The following KCNQ1OT1 variants were observed in gnomAD, a reference collection of about 807,000 sequenced individuals.
The protein encoded by KCNQ1OT1 is KCNQ1 antisense RNA 2 (non-protein coding).
exon 1 of KCNQ1OT1, chr11:2,649,373 A>G: frequency 2.5e-6 from 1 of 398,128 alleles, no homozygotes; most frequent in Non-Finnish European, 4.4e-6. Flanking sequence ...TATCTGCTCT[A>G]CTAGTGTTTT....
At chr11:2,689,200 C>G in exon 1 of KCNQ1OT1, 1 of 398,826 alleles carries the variant, frequency 2.5e-6, no homozygotes, top group Non-Finnish European at 4.4e-6. Flanking sequence ...AACAGCTCAG[C>G]TTGCTGACTT....
At chr11:2,628,176 A>T in exon 1 of KCNQ1OT1, 1 of 398,656 alleles carries the variant, frequency 2.5e-6, no homozygotes, top group Non-Finnish European at 4.4e-6. Context: ...TGGATCATAT[A>T]GCAGTTCCAA....
rs907106684 is a variant in KCNQ1OT1 at position 2,651,263 on chromosome 11, G to C, written n.48732C>G. On this transcript the variant is annotated non_coding_transcript_exon_variant, in exon 1 of 1. Transcript: ENST00000597346. The surrounding 1 kb of genome is among the most constrained non-coding windows in gnomAD (Gnocchi z 6.1). ...TTAATTCAGGAATTAAGCTGTGCTG[G>C]TCACTTATTGAGAAAGAGCTTCATG... 2.5e-6 allele frequency: 1 copy of C among 398,522 alleles called. No homozygotes were observed. The highest frequency in any genetic ancestry group is 2.1e-5 in the African/African-American group (1 of 48,642). 24.7% of individuals were successfully genotyped at this position (398,522 alleles called of 1,614,324 possible). A position where few individuals can be genotyped will look rare whatever the true frequency, so the allele number is the denominator to read the frequency against.
chr11:2,609,384 T>C (rs1048669351), exon 1 of KCNQ1OT1: 11 of 398,362 alleles, frequency 2.8e-5, no homozygotes, highest in Non-Finnish European at 3.5e-5. Context: ...CAGAAAAAGA[T>C]ACCTTGTATT....
At position 2,690,997 on chromosome 11, in the gene KCNQ1OT1, GT is replaced by G. The variant is rs1430271350; in HGVS notation, n.8997del. The G allele has an allele frequency of 7.5e-6, 3 of 398,560 alleles. No homozygotes were observed. The highest frequency in any genetic ancestry group is 6.2e-4 in the Middle Eastern group (1 of 1,612). 24.7% of individuals were successfully genotyped at this position (398,560 alleles called of 1,614,324 possible). On this transcript the variant is annotated non_coding_transcript_exon_variant, in exon 1 of 1. Coordinates refer to ENST00000597346, the Ensembl canonical transcript of KCNQ1OT1. This position sits in a 1 kb window ranked among gnomAD's most constrained non-coding sequence, Gnocchi z 5.1. ...AAAAGCCCACCAGACCATCAATGAA[GT>G]GGGCAAAAGCTCTGGGTGAACTCTT...
Position 2,671,583 on chromosome 11 carries a change from C to A in KCNQ1OT1, n.28412G>T. 1 of 398,624 alleles carries A rather than the reference C, an allele frequency of 2.5e-6. No individual in the cohort carries two copies. Among genetic ancestry groups the A allele is most frequent in the Non-Finnish European group, 4.4e-6 (1 of 226,060 alleles). The allele number at this position is 398,624 out of a possible 1,614,324, so 24.7% of individuals were successfully genotyped here. A position where few individuals can be genotyped will look rare whatever the true frequency, so the allele number is the denominator to read the frequency against. On this transcript the variant is annotated non_coding_transcript_exon_variant, in exon 1 of 1. Transcript: ENST00000597346. The surrounding 1 kb of genome is among the most constrained non-coding windows in gnomAD (Gnocchi z 4.7). ...AAGTCTTTGGCACTGAGCATTTATACAAGATCAGACTGCACTGCACCCTAA... is the reference window on the plus strand; with the variant it reads ...AAGTCTTTGGCACTGAGCATTTATAAAAGATCAGACTGCACTGCACCCTAA...
In KCNQ1OT1 at chr11:2,659,466, C is replaced by G. The variant is rs1443857261; in HGVS notation, n.40529G>C. The stretch of plus-strand genomic sequence containing the variant: ...TTTCTTTTTATTGCTGGGTGGTATT[C>G]CATTGCATGAATATATACATTTTGT... On this transcript the variant is annotated non_coding_transcript_exon_variant, in exon 1 of 1. Transcript: ENST00000597346. The surrounding 1 kb of genome is among the most constrained non-coding windows in gnomAD (Gnocchi z 4.3). 8 of 398,394 alleles carry G rather than the reference C, an allele frequency of 2.0e-5. No homozygotes were observed. The highest frequency in any genetic ancestry group is 3.5e-5 in the Non-Finnish European group (8 of 226,030). 24.7% of individuals were successfully genotyped at this position (398,394 alleles called of 1,614,324 possible).
At position 2,623,501 on chromosome 11, in the gene KCNQ1OT1, A is replaced by G; in HGVS notation, n.76494T>C. The stretch of plus-strand genomic sequence containing the variant: ...ATAGCATTGCCTTTTCTAAAATGCA[A>G]TATGATTGGAATCATACAGTATGTA... On this transcript the variant is annotated non_coding_transcript_exon_variant, in exon 1 of 1. Transcript: ENST00000597346. This position sits in a 1 kb window ranked among gnomAD's most constrained non-coding sequence, Gnocchi z 5.2. 1 of 398,624 alleles carries G rather than the reference A, an allele frequency of 2.5e-6. No homozygotes were observed. Among genetic ancestry groups the G allele is most frequent in the Admixed American group, 4.4e-5 (1 of 22,736 alleles). The allele number at this position is 398,624 out of a possible 1,614,324, so 24.7% of individuals were successfully genotyped here.
exon 1 of KCNQ1OT1, chr11:2,632,261 T>G (rs1849371209): frequency 2.5e-6 from 1 of 398,478 alleles, no homozygotes; most frequent in East Asian, 3.6e-5. Flanking sequence ...CTGAATTAAT[T>G]TATTCAGTTT....
At chr11:2,641,698 A>C in exon 1 of KCNQ1OT1, 1 of 398,378 alleles carries the variant, frequency 2.5e-6, no homozygotes, top group Admixed American at 4.4e-5. Flanking sequence ...TTATCCATAA[A>C]ATCTTTCCCT....
chr11:2,676,361 C>T lies in KCNQ1OT1; in HGVS notation n.23634G>A, dbSNP rs1360489988. On this transcript the variant is annotated non_coding_transcript_exon_variant, in exon 1 of 1. Coordinates refer to ENST00000597346, the Ensembl canonical transcript of KCNQ1OT1. The surrounding 1 kb of genome is among the most constrained non-coding windows in gnomAD (Gnocchi z 4.2). ...TGCTGTTTTCTCATGGTTGGGCTTC[C>T]AGTATAATTGGAAGGAGCATAGTCT... 5.0e-6 allele frequency: 2 copies of T among 398,484 alleles called. No individual in the cohort carries two copies. The highest frequency in any genetic ancestry group is 8.8e-6 in the Non-Finnish European group (2 of 226,092). 24.7% of individuals were successfully genotyped at this position (398,484 alleles called of 1,614,324 possible).
exon 1 of KCNQ1OT1, chr11:2,684,857 GA>G (rs1178296018): frequency 2.5e-6 from 1 of 398,570 alleles, no homozygotes; most frequent in Non-Finnish European, 4.4e-6. Flanking sequence ...TTCCTCCAGG[GA>G]GTCTGCTGAG....
At chr11:2,697,821 A>G (rs972151836) in exon 1 of KCNQ1OT1, 1 of 398,498 alleles carries the variant, frequency 2.5e-6, no homozygotes, top group South Asian at 1.3e-4. Flanking sequence ...AATTCTTTAT[A>G]GTTTTCTTGT....
rs1849952301 is a variant in KCNQ1OT1, at chr11:2,661,322, G to C, written n.38673C>G. 5.0e-6 allele frequency: 2 copies of C among 402,268 alleles called. No individual in the cohort carries two copies. The highest frequency in any genetic ancestry group is 4.2e-5 in the Admixed American group (1 of 23,720). The allele number at this position is 402,268 out of a possible 1,614,324, so 24.9% of individuals were successfully genotyped here. A position where few individuals can be genotyped will look rare whatever the true frequency, so the allele number is the denominator to read the frequency against. On this transcript the variant is annotated non_coding_transcript_exon_variant, in exon 1 of 1. Transcript: ENST00000597346. This position sits in a 1 kb window ranked among gnomAD's most constrained non-coding sequence, Gnocchi z 5.9. ...GTCAACAGAGAGTGGGGAGTGATAA[G>C]GATCAGTATCCTGAGCTCCTGTGTC...
exon 1 of KCNQ1OT1, chr11:2,625,007 G>A (rs1291180230): frequency 1.0e-5 from 4 of 398,370 alleles, no homozygotes; most frequent in Non-Finnish European, 1.8e-5. Context: ...GGGTTGCATT[G>A]ATGTTTTAAC....
rs1849919910 is a variant in KCNQ1OT1, at chr11:2,659,877, T to C, written n.40118A>G. The stretch of plus-strand genomic sequence containing the variant: ...TCATGTGCTTATTTATAATCCATTT[T>C]TAAAATTGGATTGTTCACTTTATTG... On this transcript the variant is annotated non_coding_transcript_exon_variant, in exon 1 of 1. Transcript: ENST00000597346. This position sits in a 1 kb window ranked among gnomAD's most constrained non-coding sequence, Gnocchi z 4.3. 1 of 398,362 alleles carries C rather than the reference T, an allele frequency of 2.5e-6. No individual in the cohort carries two copies. Among genetic ancestry groups the C allele is most frequent in the African/African-American group, 2.1e-5 (1 of 48,640 alleles). The allele number at this position is 398,362 out of a possible 1,614,324, so 24.7% of individuals were successfully genotyped here.
exon 1 of KCNQ1OT1, chr11:2,656,208 C>G (rs1284423034): frequency 5.0e-6 from 2 of 398,408 alleles, no homozygotes; most frequent in Middle Eastern, 6.3e-4. Flanking sequence ...AAATTGAATC[C>G]TGGATGAAGT....
At position 2,663,849 on chromosome 11, in the gene KCNQ1OT1, T is replaced by C; in HGVS notation, n.36146A>G. 5.0e-6 allele frequency: 2 copies of C among 398,644 alleles called. No homozygotes were observed. Among genetic ancestry groups the C allele is most frequent in the Non-Finnish European group, 8.8e-6 (2 of 226,098 alleles). 24.7% of individuals were successfully genotyped at this position (398,644 alleles called of 1,614,324 possible). On this transcript the variant is annotated non_coding_transcript_exon_variant, in exon 1 of 1. Coordinates refer to ENST00000597346, the Ensembl canonical transcript of KCNQ1OT1. The surrounding 1 kb of genome is among the most constrained non-coding windows in gnomAD (Gnocchi z 5.2). ...TGGTATCAGCACATGCCAAGCTCCC[T>C]GGAGCCAGAGGTTACCCACCTGCCC... is the stretch of plus-strand genomic sequence containing the variant.
At chr11:2,675,455 T>C in exon 1 of KCNQ1OT1, 2 of 398,588 alleles carry the variant, frequency 5.0e-6, no homozygotes, top group Non-Finnish European at 8.8e-6. Flanking sequence ...GATCTGAAAA[T>C]GGAAAAAAGT....
Sources: gnomAD v4.1 joint callset for allele counts on GRCh38, gnomAD v4.1.1 for gene constraint, Gnocchi (gnomAD v3.1) non-coding constraint, MANE v1.5 for transcripts, NCBI Gene and HGNC (gene_info 2026-07-23, HGNC 2026-07-21) for gene names.